CUX1: variants seen among roughly 807,000 people sequenced by gnomAD.
The protein encoded by CUX1 is protein CASP.
Under a neutral mutation model 158.8 loss-of-function variants are expected in CUX1, and 31 were observed. That is an observed-to-expected ratio of 0.20 (90% CI 0.15 to 0.26). CUX1 has a LOEUF of 0.26. Ranked by LOEUF, CUX1 falls within the 10% of genes least tolerant of loss-of-function variation. CUX1 has a pLI of 1.00. For missense variants in CUX1, 1,589 were observed against 2,014.6 expected (o/e 0.79, Z 4.04); for synonymous variants, 879 against 862.1 (o/e 1.02, Z -0.34).
intron 13 of CUX1, 150 bp from the exon 14 acceptor site, chr7:102,195,356 GA>G: frequency 1.8e-6 from 1 of 545,436 alleles, no homozygotes; most frequent in East Asian, 3.2e-5. Context: ...GACTTGGGGG[GA>G]AATCAGCTGT....
intron 11 of CUX1, among the ~76,000 whole-genome samples, chr7:102,188,381 C>T (rs1793861967): frequency 6.6e-6 from 1 of 152,132 alleles, no homozygotes; most frequent in Admixed American, 6.6e-5. Flanking sequence ...TCATTTCCTC[C>T]AAGGAGCTCC....
At chr7:102,236,348 G>A (rs1245462129) in intron 22 of CUX1, among the ~76,000 whole-genome samples, 1 of 149,596 alleles carries the variant, frequency 6.7e-6, no homozygotes, top group Non-Finnish European at 1.5e-5. Flanking sequence ...GTCTGAGGTA[G>A]GCCATGCCTC....
In CUX1 at chr7:102,227,609, G is replaced by C. The variant is rs782598109; in HGVS notation, c.3373G>C (p.Glu1125Gln). Residue 1125 changes from glutamate (E) to glutamine (Q), a missense_variant, in exon 21 of 24, where the codon GAG becomes CAG. This residue lies in a region of CUX1 where 259 missense variants were observed against 373.8 expected (regional missense o/e 0.69). Coordinates refer to ENST00000292535, the MANE Select transcript of CUX1 (RefSeq NM_181552.4). ...CCAAGAATTAGTAGCCATGTCCCCG[G>C]AGCTGGACACCTACGGCATAACCAA... ...SIQELVAMSPELDTYGITKRV... is the reference protein window; with the variant it reads ...SIQELVAMSPQLDTYGITKRV... 1.9e-6 allele frequency: 3 copies of C among 1,613,990 alleles called. No homozygotes were observed. In the Admixed American group the frequency reaches 5.0e-5, roughly 27 times the overall value.
At chr7:101,875,083 T>C (rs1394944425) in intron 1 of CUX1, among the ~76,000 whole-genome samples, 1 of 152,168 alleles carries the variant, frequency 6.6e-6, no homozygotes, top group East Asian at 1.9e-4. Context: ...CCTTGTCCAC[T>C]TGGGGGGCAT....
intron 6 of CUX1, among the ~76,000 whole-genome samples, chr7:102,108,586 C>T (rs1830597081): frequency 6.6e-6 from 1 of 152,178 alleles, no homozygotes; most frequent in Admixed American, 6.5e-5. Flanking sequence ...TATCTGCCCG[C>T]CTCACCTCCT....
At chr7:101,827,403 T>C (rs564040995) in intron 1 of CUX1, among the ~76,000 whole-genome samples, 55 of 152,208 alleles carry the variant, frequency 3.6e-4, no homozygotes, top group South Asian at 1.2e-3. Flanking sequence ...CATCCGGGGC[T>C]CAAGCAGTCC....
chr7:102,060,356 C>T (rs747285938), intron 3 of CUX1, among the ~76,000 whole-genome samples: 10 of 151,494 alleles, frequency 6.6e-5, no homozygotes, highest in South Asian at 6.3e-4. Context: ...TTGATCACGA[C>T]GGGGAATAAC....
intron 11 of CUX1, among the ~76,000 whole-genome samples, chr7:102,182,068 C>T (rs993859409): frequency 1.3e-5 from 2 of 152,158 alleles, no homozygotes; most frequent in Non-Finnish European, 2.9e-5. Context: ...TCATGTCTTA[C>T]GGGGGACCCT....
chr7:102,209,666 C>T (rs536034106), intron 20 of CUX1, among the ~76,000 whole-genome samples: 1 of 152,154 alleles, frequency 6.6e-6, no homozygotes, highest in South Asian at 2.1e-4. Flanking sequence ...ATTTGGAAAA[C>T]TTCATTTCAA....
chr7:102,126,502 C>T (rs781945149), intron 8 of CUX1, among the ~76,000 whole-genome samples: 4 of 152,096 alleles, frequency 2.6e-5, no homozygotes, highest in Admixed American at 6.5e-5. Flanking sequence ...TTTTTCTATA[C>T]AGATTGTTCC....
intron 9 of CUX1, among the ~76,000 whole-genome samples, chr7:102,159,658 T>C (rs1428745460): frequency 6.6e-6 from 1 of 151,906 alleles, no homozygotes; most frequent in Non-Finnish European, 1.5e-5. Context: ...GTCAGGAGTT[T>C]GAGACCAGCC....
intron 2 of CUX1, among the ~76,000 whole-genome samples, chr7:101,977,811 C>T (rs1160975335): frequency 1.3e-5 from 2 of 152,094 alleles, no homozygotes; most frequent in Non-Finnish European, 1.5e-5. Context: ...ATTCCTCCTT[C>T]CAGGAGCCAA....
chr7:101,841,680 C>T (rs902132972), intron 1 of CUX1, among the ~76,000 whole-genome samples: 1 of 152,092 alleles, frequency 6.6e-6, no homozygotes, highest in African/African-American at 2.4e-5. Flanking sequence ...ACCTCAGTCT[C>T]CTGAGTAGCT....
rs782478579 is a variant in CUX1, at chr7:102,177,425, AAAAAG to A, written c.829-1034_829-1030del. On this transcript the variant is annotated intron_variant, in intron 10 of 23. Transcript: ENST00000292535. ...CAAAACTCTATCTCAAAAAAAAAAA[AAAAAG>A]AAAAGAAAAAGAAAATGCTGATACA... 4.7e-5 allele frequency among the ~76,000 whole-genome samples: 7 copies of A among 150,436 alleles called. No individual in the cohort carries two copies. The East Asian group carries it at 7.7e-4, about 17-fold the overall frequency.
At chr7:101,866,060 C>A (rs769633787) in intron 1 of CUX1, among the ~76,000 whole-genome samples, 1 of 152,182 alleles carries the variant, frequency 6.6e-6, no homozygotes, top group Admixed American at 6.5e-5. Context: ...CATGGTGGCT[C>A]ACACCTGTAA....
chr7:102,255,139 C>G lies in CUX1; in HGVS notation c.*6097C>G. ...GGCCTGTGCTCCTCACCACCCTGGT[C>G]AGGGGAATAGAAGGAAATGCAATTT... On this transcript the variant is annotated 3_prime_UTR_variant, in exon 24 of 24. Transcript: ENST00000292535. 1 of 985,416 alleles carries G rather than the reference C, an allele frequency of 1.0e-6. No individual in the cohort carries two copies. Among genetic ancestry groups the G allele is most frequent in the Non-Finnish European group, 1.2e-6 (1 of 829,936 alleles). 61.0% of individuals were successfully genotyped at this position (985,416 alleles called of 1,614,324 possible).
intron 2 of CUX1, among the ~76,000 whole-genome samples, chr7:101,978,575 C>T (rs969340098): frequency 3.3e-5 from 5 of 152,250 alleles, no homozygotes; most frequent in Admixed American, 6.5e-5. Context: ...TTATTTCTAA[C>T]GAATGCAGTT....
chr7:101,941,105 A>G (rs913906069), intron 2 of CUX1, among the ~76,000 whole-genome samples: 1 of 152,336 alleles, frequency 6.6e-6, no homozygotes, highest in East Asian at 1.9e-4. Context: ...GTTGTCGCCA[A>G]TCTGAGCTTG....
chr7:102,060,050 C>T (rs866294459), intron 3 of CUX1, among the ~76,000 whole-genome samples: 1 of 151,808 alleles, frequency 6.6e-6, no homozygotes, highest in Admixed American at 6.6e-5. Context: ...CCGAGGTGGG[C>T]GGATCATGAG....
Sources: allele counts gnomAD v4.1 joint callset (sites outside exome capture counted in the v4.1 genomes callset), GRCh38; gene constraint gnomAD v4.1.1; regional missense constraint gnomAD v4.1.1; transcripts MANE v1.5; gene names NCBI Gene and HGNC (gene_info 2026-07-23, HGNC 2026-07-21).